The following SPATA16 variants were observed in gnomAD, a reference collection of about 807,000 sequenced individuals.
SPATA16 encodes spermatogenesis-associated protein 16.
A neutral mutation model predicts 63.3 loss-of-function variants in SPATA16; 36 were observed. The ratio of observed to expected loss-of-function variants is 0.57; its 90% confidence interval spans 0.44 to 0.75. SPATA16 has a LOEUF of 0.75. Among genes scored for constraint, SPATA16 ranks in the 30% least tolerant of loss-of-function variants. The pLI is 0.00. For missense variants in SPATA16, 646 were observed against 679.3 expected (o/e 0.95, Z 0.54); for synonymous variants, 203 against 216.7 (o/e 0.94, Z 0.56).
At chr3:172,909,050 A>T (rs1732302917) in intron 10 of SPATA16, among the ~76,000 whole-genome samples, 1 of 152,180 alleles carries the variant, frequency 6.6e-6, no homozygotes, top group Non-Finnish European at 1.5e-5. Flanking sequence ...GAAAGTGATG[A>T]TCATTATCAG....
At chr3:173,051,813 C>CTTT (rs11367724) in intron 2 of SPATA16, among the ~76,000 whole-genome samples, 1 of 148,328 alleles carries the variant, frequency 6.7e-6, no homozygotes. Flanking sequence ...TTTAGGCACA[C>CTTT]TTTTTTTTTT....
At position 173,117,529 on chromosome 3, in the gene SPATA16, C is replaced by T. The variant is rs1221191061; in HGVS notation, c.203G>A (p.Gly68Asp). 1.9e-6 allele frequency: 3 copies of T among 1,614,026 alleles called. No homozygotes were observed. In the African/African-American group the frequency reaches 4.0e-5, roughly 22 times the overall value. ...ATCATTGCTTTGTTTTTCTTTGATG[C>T]CCTTTGTCATTTTTGTTCTTTCAAG... is the stretch of plus-strand genomic sequence containing the variant. The part of the protein sequence containing the change: ...ITLERTKMTK[G>D]IKEKQSNDLE... Residue 68 changes from glycine (G) to aspartate (D), a missense_variant, in exon 2 of 11, where the codon GGC becomes GAC. Gly to Asp is a moderately conservative substitution (Grantham distance 94). Coordinates refer to ENST00000351008, the MANE Select transcript of SPATA16 (RefSeq NM_031955.6).
At chr3:172,996,347 T>A (rs752314333) in intron 4 of SPATA16, among the ~76,000 whole-genome samples, 1 of 152,142 alleles carries the variant, frequency 6.6e-6, no homozygotes, top group Non-Finnish European at 1.5e-5. Context: ...TAACAGTTAT[T>A]TTTTGTGATT....
rs561878749 is a variant in SPATA16, at chr3:173,082,861, C to A, written c.613-33767G>T. Among the ~76,000 whole-genome samples, 31 of 152,214 alleles carry A rather than the reference C, an allele frequency of 2.0e-4. No homozygotes were observed. In the East Asian group the frequency reaches 6.0e-3, roughly 29 times the overall value. Reference sequence around the variant, plus strand: ...CGGACTGTCCAATCATCACAGTCATCCAAGTTTTTTTTTCTACTTCTTTAC... The same window carrying A: ...CGGACTGTCCAATCATCACAGTCATACAAGTTTTTTTTTCTACTTCTTTAC... On this transcript the variant is annotated intron_variant, in intron 2 of 10. Coordinates refer to ENST00000351008, the MANE Select transcript of SPATA16 (RefSeq NM_031955.6).
At chr3:172,971,898 A>G (rs912106456) in intron 5 of SPATA16, among the ~76,000 whole-genome samples, 1 of 152,134 alleles carries the variant, frequency 6.6e-6, no homozygotes, top group Non-Finnish European at 1.5e-5. Flanking sequence ...ACAATCATGT[A>G]AAGAGAAGGA....
At chr3:172,935,579 G>A (rs1201227835) in intron 6 of SPATA16, among the ~76,000 whole-genome samples, 1 of 152,124 alleles carries the variant, frequency 6.6e-6, no homozygotes, top group Admixed American at 6.5e-5. Flanking sequence ...AGAAGGAAAA[G>A]GTAAGATAAT....
chr3:172,916,252 C>T, intron 9 of SPATA16, 65 bp downstream of exon 9: 1 of 1,547,784 alleles, frequency 6.5e-7, no homozygotes, highest in Non-Finnish European at 8.8e-7. Context: ...TTTTTTTCCC[C>T]AGACCATATC....
chr3:172,906,724 T>C (rs995390842), intron 10 of SPATA16, among the ~76,000 whole-genome samples: 24 of 151,974 alleles, frequency 1.6e-4, no homozygotes, highest in Non-Finnish European at 2.9e-5. Flanking sequence ...GCTAAACTTC[T>C]CTCTAATACA....
At chr3:173,053,986 T>C (rs1214140288) in intron 2 of SPATA16, among the ~76,000 whole-genome samples, 1 of 137,094 alleles carries the variant, frequency 7.3e-6, no homozygotes, top group Admixed American at 7.2e-5. Context: ...ATAGAAGATA[T>C]ATCAACATAA....
At chr3:172,922,694 G>T (rs1029633208) in intron 8 of SPATA16, among the ~76,000 whole-genome samples, 1 of 152,196 alleles carries the variant, frequency 6.6e-6, no homozygotes, top group Non-Finnish European at 1.5e-5. Flanking sequence ...GCCAAGGCAG[G>T]TGGATCACTT....
chr3:172,992,254 A>G (rs1035656520), intron 4 of SPATA16, among the ~76,000 whole-genome samples: 3 of 152,126 alleles, frequency 2.0e-5, no homozygotes, highest in Non-Finnish European at 4.4e-5. Flanking sequence ...AAATGTGCCC[A>G]GAGGCATTAA....
At chr3:172,943,051 G>A (rs1733193540) in intron 6 of SPATA16, among the ~76,000 whole-genome samples, 1 of 152,082 alleles carries the variant, frequency 6.6e-6, no homozygotes. Context: ...GAAATTTATA[G>A]TCTTTACTAA....
At chr3:173,040,153 A>C (rs1268301890) in intron 3 of SPATA16, among the ~76,000 whole-genome samples, 1 of 152,052 alleles carries the variant, frequency 6.6e-6, no homozygotes, top group Non-Finnish European at 1.5e-5. Context: ...AGAAACCTCT[A>C]ATAAGATGTC....
intron 1 of SPATA16, among the ~76,000 whole-genome samples, chr3:173,133,916 T>A (rs922898757): frequency 6.6e-6 from 1 of 152,084 alleles, no homozygotes; most frequent in African/African-American, 2.4e-5. Context: ...TCTTTTCAAG[T>A]GTACCTGCAA....
At chr3:173,094,675 TTG>T (rs1462726110) in intron 2 of SPATA16, among the ~76,000 whole-genome samples, 1 of 141,078 alleles carries the variant, frequency 7.1e-6, no homozygotes, top group Non-Finnish European at 1.5e-5. Context: ...GTTATGGGAG[TTG>T]TTTTTTTTTT....
Position 173,117,648 on chromosome 3 carries a change from G to A in SPATA16, c.84C>T (p.Ser28=), listed in dbSNP as rs768057998. 1 of 1,613,960 alleles carries A rather than the reference G, an allele frequency of 6.2e-7. No individual in the cohort carries two copies. The highest frequency in any genetic ancestry group is 8.5e-7 in the Non-Finnish European group (1 of 1,179,976). ...HDQLVPKINT[S]KKMSTLAHPP... is the part of the protein sequence containing the mutation. ...GGTGCGCTAAGGTGGACATTTTCTT[G>A]CTTGTGTTTATCTTTGGAACAAGCT... The change falls in exon 2 of 11, where the codon AGC becomes AGT. Residue 28 remains serine (S), a synonymous_variant. Coordinates refer to ENST00000351008, the MANE Select transcript of SPATA16 (RefSeq NM_031955.6).
chr3:173,135,047 A>C (rs1164410612), intron 1 of SPATA16, among the ~76,000 whole-genome samples: 1 of 152,242 alleles, frequency 6.6e-6, no homozygotes, highest in African/African-American at 2.4e-5. Flanking sequence ...ATAAAAGAAA[A>C]TATCTGTAGT....
intron 1 of SPATA16, among the ~76,000 whole-genome samples, chr3:173,138,529 G>A (rs1738615297): frequency 6.6e-6 from 1 of 152,082 alleles, no homozygotes; most frequent in African/African-American, 2.4e-5. Flanking sequence ...ATGTTTGAAA[G>A]GCACATGCAC....
chr3:173,048,619 A>G (rs1028590914), intron 3 of SPATA16, among the ~76,000 whole-genome samples: 1 of 152,036 alleles, frequency 6.6e-6, no homozygotes, highest in Non-Finnish European at 1.5e-5. Context: ...CACAACTGCA[A>G]TTTCGACAAT....
Sources: allele counts gnomAD v4.1 joint callset (sites outside exome capture counted in the v4.1 genomes callset), GRCh38; gene constraint gnomAD v4.1.1; transcripts MANE v1.5; gene names NCBI Gene and HGNC (gene_info 2026-07-23, HGNC 2026-07-21).